The following NKIRAS1 variants were observed in gnomAD, a reference collection of about 807,000 sequenced individuals.
NKIRAS1 encodes NFKB inhibitor interacting Ras like 1.
A neutral mutation model predicts 19.8 loss-of-function variants in NKIRAS1; 16 were observed. The ratio of observed to expected loss-of-function variants is 0.81; its 90% CI spans 0.55 to 1.23. The LOEUF is 1.23. Among genes scored for constraint, NKIRAS1 ranks in the 50% most tolerant of loss-of-function variants. The probability of loss-of-function intolerance (pLI) is 0.00; values close to 1 mark genes in which losing one functional copy is unlikely to be tolerated. For missense variants in NKIRAS1, 184 were observed against 220.0 expected (o/e 0.84, Z 1.04); for synonymous variants, 88 against 79.0 (o/e 1.11, Z -0.61).
chr3:23,912,166 T>C (rs374798132), intron 1 of NKIRAS1, among the ~76,000 whole-genome samples: 1 of 152,110 alleles, frequency 6.6e-6, no homozygotes, highest in Non-Finnish European at 1.5e-5. Context: ...CCAAAAGCAA[T>C]GGCAACAAAA....
upstream of NKIRAS1, chr3:23,918,671 G>A: frequency 7.1e-7 from 1 of 1,399,412 alleles, no homozygotes; most frequent in Non-Finnish European, 9.7e-7. Flanking sequence ...TAGGTGAGCT[G>A]TCTCGTATAT....
chr3:23,916,270 T>C (rs1355521142), intron 1 of NKIRAS1: 1 of 152,080 alleles, frequency 6.6e-6, no homozygotes, highest in Non-Finnish European at 1.5e-5. Context: ...GTGAAAATAT[T>C]CTGGAGAAAC....
chr3:23,901,808 C>T (rs182014374), intron 3 of NKIRAS1, among the ~76,000 whole-genome samples: 30 of 152,336 alleles, frequency 2.0e-4, no homozygotes, highest in Admixed American at 9.8e-4. Context: ...CACGGTGGCT[C>T]ACGCCTATAA....
intron 4 of NKIRAS1, among the ~76,000 whole-genome samples, chr3:23,894,944 G>A (rs1312069275): frequency 6.6e-6 from 1 of 152,192 alleles, no homozygotes; most frequent in East Asian, 1.9e-4. Flanking sequence ...CGTAGATGCT[G>A]CTTCCAGTAA....
intron 3 of NKIRAS1, among the ~76,000 whole-genome samples, chr3:23,908,356 A>G (rs746194494): frequency 3.3e-5 from 5 of 152,194 alleles, no homozygotes; most frequent in Admixed American, 2.0e-4. Context: ...GTGAAATACC[A>G]AAGAAAAATA....
chr3:23,917,708 C>T, upstream of NKIRAS1: 1 of 801,972 alleles, frequency 1.2e-6, no homozygotes, highest in African/African-American at 1.8e-5. Context: ...GGGGGTTGGG[C>T]TAGCTGTCCC....
chr3:23,920,845 A>C, upstream of NKIRAS1: 1 of 884,618 alleles, frequency 1.1e-6, no homozygotes. Flanking sequence ...AAACTAAAAC[A>C]AATGGACCTT....
At chr3:23,905,651 C>T (rs537561464) in intron 3 of NKIRAS1, among the ~76,000 whole-genome samples, 1 of 152,190 alleles carries the variant, frequency 6.6e-6, no homozygotes, top group Non-Finnish European at 1.5e-5. Context: ...AAATCACAAG[C>T]ACAATTAGTA....
intron 1 of NKIRAS1, among the ~76,000 whole-genome samples, chr3:23,933,496 A>G (rs1049471656): frequency 6.6e-6 from 1 of 152,244 alleles, no homozygotes; most frequent in African/African-American, 2.4e-5. Context: ...ATGCACAGAC[A>G]GCAAAGAATT....
intron 1 of NKIRAS1, among the ~76,000 whole-genome samples, chr3:23,939,305 A>ACT (rs1705451247): frequency 1.3e-5 from 2 of 152,232 alleles, no homozygotes; most frequent in African/African-American, 4.8e-5. Context: ...ATGTAGATCA[A>ACT]GATAAAGAGC....
chr3:23,928,221 C>T (rs1200331652), intron 1 of NKIRAS1, among the ~76,000 whole-genome samples: 1 of 151,500 alleles, frequency 6.6e-6, no homozygotes, highest in Non-Finnish European at 1.5e-5. Context: ...ACCCAGGAGG[C>T]AGAGGTTGCA....
intron 1 of NKIRAS1, chr3:23,923,256 T>C (rs1459575363): frequency 6.7e-6 from 1 of 149,756 alleles, no homozygotes; most frequent in Non-Finnish European, 1.5e-5. Flanking sequence ...GTTTTGCTCT[T>C]ATAGCCCAGG....
chr3:23,918,301 G>A (rs576136214), upstream of NKIRAS1: 4 of 1,052,454 alleles, frequency 3.8e-6, no homozygotes, highest in Non-Finnish European at 5.4e-6. Context: ...AAAAGACTGG[G>A]ATGTGTTTTA....
At chr3:23,920,103 A>T, upstream of NKIRAS1, 2 of 985,918 alleles carry the variant, frequency 2.0e-6, no homozygotes, top group Non-Finnish European at 2.4e-6. Context: ...CGATAAAATT[A>T]TTAGCCTTAA....
At chr3:23,923,243 G>A (rs991325881) in intron 1 of NKIRAS1, 2 of 99,584 alleles carry the variant, frequency 2.0e-5, no homozygotes, top group Admixed American at 1.2e-4. Flanking sequence ...TTTTTGAGAT[G>A]TAGTTTTGCT....
At chr3:23,924,115 T>A (rs1438781591) in intron 1 of NKIRAS1, 1 of 152,216 alleles carries the variant, frequency 6.6e-6, no homozygotes, top group Non-Finnish European at 1.5e-5. Context: ...TAATACAAGA[T>A]GGGTGAAAGC....
intron 3 of NKIRAS1, among the ~76,000 whole-genome samples, chr3:23,902,582 C>A (rs1319875902): frequency 1.3e-5 from 2 of 152,118 alleles, no homozygotes; most frequent in Non-Finnish European, 2.9e-5. Flanking sequence ...TTTTTATCCA[C>A]CAAAAGCCAG....
chr3:23,934,193 T>A (rs1705358419), intron 1 of NKIRAS1, among the ~76,000 whole-genome samples: 1 of 152,242 alleles, frequency 6.6e-6, no homozygotes, highest in Non-Finnish European at 1.5e-5. Flanking sequence ...TGTTTATCAT[T>A]CATTCCTCCC....
rs1220874514 is a variant in NKIRAS1 at position 23,890,608 on chromosome 3, T to C, written c.*2487A>G. The C allele has an allele frequency of 1.9e-6, 3 of 1,612,596 alleles. No homozygotes were observed. The highest frequency in any genetic ancestry group is 3.3e-5 in the Admixed American group (2 of 59,784). On this transcript the variant is annotated 3_prime_UTR_variant, in exon 5 of 5. Coordinates refer to ENST00000425478, the MANE Select transcript of NKIRAS1 (RefSeq NM_020345.4). ...TGGACCAAGAGATACGCTACATAAATTGGGGTTTCACAATTCTTACATTAT... is the reference window on the plus strand; with the variant it reads ...TGGACCAAGAGATACGCTACATAAACTGGGGTTTCACAATTCTTACATTAT...
Sources: allele counts gnomAD v4.1 joint callset (sites outside exome capture counted in the v4.1 genomes callset), GRCh38; gene constraint gnomAD v4.1.1; transcripts MANE v1.5; gene names NCBI Gene and HGNC (gene_info 2026-07-23, HGNC 2026-07-21).